Variants in SAMD4A observed in about 807,000 individuals in gnomAD.
The protein encoded by SAMD4A is sterile alpha motif domain containing 4A.
Under a neutral mutation model 81.3 loss-of-function variants are expected in SAMD4A, and 33 were observed. The observed-to-expected ratio is 0.41, with a 90% confidence interval of 0.31 to 0.54. SAMD4A has a LOEUF of 0.54. SAMD4A is among the 20% of genes least tolerant of loss of function. SAMD4A has a pLI of 0.37. For missense variants in SAMD4A, 854 were observed against 951.1 expected, an observed-to-expected ratio of 0.90 and a Z score of 1.34; for synonymous variants, 389 against 382.1, an observed-to-expected ratio of 1.02 and a Z score of -0.21.
intron 2 of SAMD4A, among the ~76,000 whole-genome samples, chr14:54,623,483 CAAAAAAAAAAAAAAAAAAA>C (rs59768858): frequency 0.01 from 467 of 45,988 alleles, 18 homozygotes; most frequent in African/African-American, 0.035. Context: ...TGGACATCAG[CAAAAAAAAAAAAAAAAAAA>C]AAAAAAAAAA....
At chr14:54,575,344 C>T (rs1186067131) in intron 2 of SAMD4A, among the ~76,000 whole-genome samples, 1 of 152,178 alleles carries the variant, frequency 6.6e-6, no homozygotes, top group Non-Finnish European at 1.5e-5. Context: ...TTGCTTAGGG[C>T]TGGGTTTTAA....
intron 2 of SAMD4A, among the ~76,000 whole-genome samples, chr14:54,595,450 T>C (rs2033887218): frequency 6.7e-6 from 1 of 148,372 alleles, no homozygotes; most frequent in African/African-American, 2.4e-5. Flanking sequence ...ATATAAAAAA[T>C]ATATACTGTA....
intron 3 of SAMD4A, among the ~76,000 whole-genome samples, chr14:54,718,680 C>T (rs947813395): frequency 2.0e-5 from 3 of 152,070 alleles, no homozygotes; most frequent in Non-Finnish European, 2.9e-5. Context: ...CTGAGAGAAA[C>T]GAAGCATGTC....
At chr14:54,589,385 G>A (rs930533068) in intron 2 of SAMD4A, among the ~76,000 whole-genome samples, 1 of 152,190 alleles carries the variant, frequency 6.6e-6, no homozygotes. Context: ...TTATGGCCAT[G>A]TGTGGTATAG....
chr14:54,707,686 C>A (rs899332688), intron 3 of SAMD4A, among the ~76,000 whole-genome samples: 1 of 152,006 alleles, frequency 6.6e-6, no homozygotes, highest in Non-Finnish European at 1.5e-5. Context: ...TCAGGGTAGA[C>A]CCCTTTGAGA....
At chr14:54,681,167 A>ACCCCCCCCCCCCCCCCCCCCCCCCCC (rs567019550) in intron 2 of SAMD4A, among the ~76,000 whole-genome samples, 1 of 144,098 alleles carries the variant, frequency 6.9e-6, no homozygotes, top group South Asian at 2.3e-4. Flanking sequence ...CTGCAGAAAG[A>ACCCCCCCCCCCCCCCCCCCCCCCCCC]CCCCCCCTCC....
At chr14:54,771,016 G>T (rs539822984) in intron 9 of SAMD4A, among the ~76,000 whole-genome samples, 2 of 151,638 alleles carry the variant, frequency 1.3e-5, no homozygotes, top group South Asian at 4.2e-4. Context: ...CACCTGAAAG[G>T]GTCTGAATTC....
intron 4 of SAMD4A, among the ~76,000 whole-genome samples, chr14:54,742,428 G>A (rs1594885520): frequency 6.6e-6 from 1 of 152,150 alleles, no homozygotes; most frequent in East Asian, 1.9e-4. Context: ...GCCCCACAGT[G>A]CACCATGCTC....
chr14:54,726,148 A>G (rs1951441), intron 3 of SAMD4A, among the ~76,000 whole-genome samples: 18,640 of 152,016 alleles, frequency 0.12, 1,251 homozygotes, highest in Middle Eastern at 0.18. Flanking sequence ...TCCAGACTAA[A>G]AGAAAATGTG....
intron 2 of SAMD4A, among the ~76,000 whole-genome samples, chr14:54,635,225 C>A (rs530656228): frequency 3.1e-3 from 478 of 152,050 alleles, no homozygotes; most frequent in Non-Finnish European, 5.6e-3. Context: ...GAGTTCAAGA[C>A]CAGCCTGGCC....
chr14:54,720,346 C>G (rs1338825946), intron 3 of SAMD4A, among the ~76,000 whole-genome samples: 5 of 152,092 alleles, frequency 3.3e-5, no homozygotes, highest in African/African-American at 1.2e-4. Flanking sequence ...TTGTGTTGGA[C>G]TCTGTCTCAA....
At chr14:54,750,989 C>T (rs920951701) in intron 5 of SAMD4A, among the ~76,000 whole-genome samples, 13 of 152,138 alleles carry the variant, frequency 8.5e-5, no homozygotes, top group African/African-American at 2.2e-4. Flanking sequence ...TGGCTGGGTG[C>T]GGTGGCTCAC....
chr14:54,770,948 G>GA (rs1377273600), intron 9 of SAMD4A, among the ~76,000 whole-genome samples: 2 of 152,068 alleles, frequency 1.3e-5, no homozygotes, highest in African/African-American at 4.8e-5. Context: ...TAAACATCCT[G>GA]AAAAATTAAC....
chr14:54,570,470 C>T (rs1393241100), intron 2 of SAMD4A, among the ~76,000 whole-genome samples: 2 of 152,114 alleles, frequency 1.3e-5, no homozygotes, highest in Admixed American at 6.5e-5. Context: ...ACAAATAATC[C>T]GTAGTGTATT....
intron 2 of SAMD4A, among the ~76,000 whole-genome samples, chr14:54,686,810 G>C (rs2036283449): frequency 6.6e-6 from 1 of 152,114 alleles, no homozygotes; most frequent in Admixed American, 6.5e-5. Flanking sequence ...ATCACATGGG[G>C]GACAGTTGGG....
In SAMD4A at chr14:54,713,272, C is replaced by G. The variant is rs951569101; in HGVS notation, c.715+10692C>G. 4.6e-5 allele frequency among the ~76,000 whole-genome samples: 7 copies of G among 152,216 alleles called. No individual in the cohort carries two copies. The East Asian group carries it at 1.4e-3, about 29-fold the overall frequency. ...TGAGGGTAAATGTTAGTGCCATCAA[C>G]TATTGTCAATCTAGGGTATATTTTC... On this transcript the variant is annotated intron_variant, in intron 3 of 12. Coordinates refer to ENST00000554335, the MANE Select transcript of SAMD4A (RefSeq NM_015589.6).
At chr14:54,577,027 G>GA (rs2033317989) in intron 2 of SAMD4A, among the ~76,000 whole-genome samples, 1 of 152,336 alleles carries the variant, frequency 6.6e-6, no homozygotes, top group African/African-American at 2.4e-5. Context: ...GCTACAAAGA[G>GA]AGAAACAAGG....
chr14:54,638,380 G>A (rs2035087807), intron 2 of SAMD4A, among the ~76,000 whole-genome samples: 1 of 152,158 alleles, frequency 6.6e-6, no homozygotes, highest in African/African-American at 2.4e-5. Flanking sequence ...ATCCCTGCGT[G>A]CATTAATATT....
intron 3 of SAMD4A, among the ~76,000 whole-genome samples, chr14:54,713,124 T>C (rs556557551): frequency 3.2e-4 from 48 of 152,318 alleles, no homozygotes; most frequent in African/African-American, 1.1e-3. Flanking sequence ...TCTTTTAAGA[T>C]TTCCCGAGTA....
Sources: gnomAD v4.1 joint callset for allele counts (sites outside exome capture counted in the v4.1 genomes callset) on GRCh38, gnomAD v4.1.1 for gene constraint, MANE v1.5 for transcripts, NCBI Gene and HGNC (gene_info 2026-07-23, HGNC 2026-07-21) for gene names.